Variants in CMPK1 observed in about 807,000 individuals in gnomAD.
CMPK1 encodes UMP-CMP kinase.
CMPK1 carries 10 observed loss-of-function variants against 25.7 expected under a neutral mutation model. The observed-to-expected ratio is 0.39, with a 90% confidence interval of 0.24 to 0.66. The LOEUF is 0.66. CMPK1 is among the 30% of genes least tolerant of loss of function. The probability of loss-of-function intolerance (pLI) is 0.48; values close to 1 mark genes in which losing one functional copy is unlikely to be tolerated. For missense variants in CMPK1, 199 were observed against 280.5 expected (o/e 0.71, Z 2.08); for synonymous variants, 106 against 101.5 (o/e 1.04, Z -0.27).
intron 1 of CMPK1, among the ~76,000 whole-genome samples, chr1:47,338,156 C>T (rs1393215896): frequency 2.0e-5 from 3 of 152,078 alleles, no homozygotes; most frequent in Non-Finnish European, 2.9e-5. Context: ...ATGTTGATTT[C>T]CAACTCAGGC....
chr1:47,335,578 G>A (rs112851223), intron 1 of CMPK1, among the ~76,000 whole-genome samples: 1 of 149,052 alleles, frequency 6.7e-6, no homozygotes, highest in Non-Finnish European at 1.5e-5. Context: ...CGGAGGTTGC[G>A]GTGAGCCCAT....
chr1:47,373,122 C>T lies in CMPK1; in HGVS notation c.471+15C>T. On this transcript the variant is annotated intron_variant, in intron 3 of 5. Coordinates refer to ENST00000371873, the MANE Select transcript of CMPK1 (RefSeq NM_016308.3). The stretch of plus-strand genomic sequence containing the variant: ...GTAATAATGAGGTAATGAAAATCTT[C>T]ATCTGCCCACATAGGCTTTAAGCAA... The T allele has an allele frequency of 1.9e-6, 3 of 1,594,592 alleles. No homozygotes were observed. The highest frequency in any genetic ancestry group is 2.6e-6 in the Non-Finnish European group (3 of 1,170,718).
At chr1:47,344,484 T>C (rs546925658) in intron 1 of CMPK1, among the ~76,000 whole-genome samples, 1 of 152,158 alleles carries the variant, frequency 6.6e-6, no homozygotes, top group East Asian at 1.9e-4. Context: ...AGTTCAACTG[T>C]AAATTATTAT....
chr1:47,376,777 C>G lies in CMPK1; in HGVS notation c.*32C>G. The G allele has an allele frequency of 7.5e-7, 1 of 1,340,822 alleles. No individual in the cohort carries two copies. The highest frequency in any genetic ancestry group is 1.1e-6 in the Non-Finnish European group (1 of 936,222). The allele number at this position is 1,340,822 out of a possible 1,614,324, so 83.1% of individuals were successfully genotyped here. A position where few individuals can be genotyped will look rare whatever the true frequency, so the allele number is the denominator to read the frequency against. On this transcript the variant is annotated 3_prime_UTR_variant, in exon 6 of 6. Transcript: ENST00000371873. ...ACCTGAAGGCATCCTTGAAATCATGCTTGAATATTGCTTTGATAGCTGCTA... is the reference window on the plus strand; with the variant it reads ...ACCTGAAGGCATCCTTGAAATCATGGTTGAATATTGCTTTGATAGCTGCTA...
At chr1:47,375,611 G>A (rs538928376) in intron 5 of CMPK1, among the ~76,000 whole-genome samples, 1 of 152,112 alleles carries the variant, frequency 6.6e-6, no homozygotes, top group African/African-American at 2.4e-5. Flanking sequence ...AGAAATGGGT[G>A]GTTTATGAAT....
chr1:47,362,206 G>GT (rs1394767021), intron 1 of CMPK1, among the ~76,000 whole-genome samples: 1 of 120,748 alleles, frequency 8.3e-6, no homozygotes, highest in Non-Finnish European at 1.6e-5. Flanking sequence ...TTTGGCTCTT[G>GT]TTGCCTAGGC....
chr1:47,335,347 T>C (rs1361288184), intron 1 of CMPK1, among the ~76,000 whole-genome samples: 1 of 152,172 alleles, frequency 6.6e-6, no homozygotes, highest in African/African-American at 2.4e-5. Context: ...TTTATAAATA[T>C]TGATCATTTT....
At chr1:47,367,875 CT>C (rs1397091691) in intron 1 of CMPK1, among the ~76,000 whole-genome samples, 1 of 152,130 alleles carries the variant, frequency 6.6e-6, no homozygotes, top group Non-Finnish European at 1.5e-5. Context: ...TCAAACAGTC[CT>C]TTTGCATCAG....
At chr1:47,344,040 C>T (rs1646464673) in intron 1 of CMPK1, among the ~76,000 whole-genome samples, 1 of 151,302 alleles carries the variant, frequency 6.6e-6, no homozygotes, top group African/African-American at 2.4e-5. Context: ...TGCGCTTCAG[C>T]CTGTGCAACA....
At chr1:47,354,575 T>C (rs570425323) in intron 1 of CMPK1, among the ~76,000 whole-genome samples, 1 of 151,458 alleles carries the variant, frequency 6.6e-6, no homozygotes, top group East Asian at 1.9e-4. Context: ...CACATACACA[T>C]AGTGCTTATT....
intron 1 of CMPK1, among the ~76,000 whole-genome samples, chr1:47,343,569 A>G (rs1646458444): frequency 6.6e-6 from 1 of 151,700 alleles, no homozygotes; most frequent in Admixed American, 6.6e-5. Context: ...TTATTCAGAA[A>G]ACATTTTTTG....
At position 47,377,841 on chromosome 1, in the gene CMPK1, C is replaced by T. The variant is rs1315200362; in HGVS notation, c.*1096C>T. On this transcript the variant is annotated 3_prime_UTR_variant, in exon 6 of 6. Transcript: ENST00000371873. ...TTTGTTTGGCATCATGTTGAAGCAC[C>T]GAAAGATAAATGATTTTTAAAAGGC... is the stretch of plus-strand genomic sequence containing the variant. 1 of 152,230 alleles carries T rather than the reference C, an allele frequency of 6.6e-6. No individual in the cohort carries two copies. The highest frequency in any genetic ancestry group is 2.4e-5 in the African/African-American group (1 of 41,288). The allele number at this position is 152,230 out of a possible 1,614,324, so 9.4% of individuals were successfully genotyped here.
At chr1:47,335,849 C>T (rs571229115) in intron 1 of CMPK1, among the ~76,000 whole-genome samples, 507 of 151,720 alleles carry the variant, frequency 3.3e-3, no homozygotes, top group Non-Finnish European at 4.3e-3. Context: ...CTGCAACCTC[C>T]GCCTCCCAGG....
intron 1 of CMPK1, among the ~76,000 whole-genome samples, chr1:47,345,344 T>C (rs1446563964): frequency 6.6e-6 from 1 of 152,082 alleles, no homozygotes; most frequent in African/African-American, 2.4e-5. Flanking sequence ...GAAACTCTAG[T>C]GCAAAAGAAA....
chr1:47,337,079 T>C (rs1429090405), intron 1 of CMPK1, among the ~76,000 whole-genome samples: 8 of 152,086 alleles, frequency 5.3e-5, no homozygotes, highest in African/African-American at 1.7e-4. Context: ...GGTCAGGAGA[T>C]TGAGACCATC....
At position 47,376,871 on chromosome 1, in the gene CMPK1, T is replaced by C. The variant is rs927302631; in HGVS notation, c.*126T>C. 56 of 534,720 alleles carry C rather than the reference T, an allele frequency of 1.0e-4. No homozygotes were observed. The highest frequency in any genetic ancestry group is 1.7e-4 in the Non-Finnish European group (52 of 298,988). 33.1% of individuals were successfully genotyped at this position (534,720 alleles called of 1,614,324 possible). On this transcript the variant is annotated 3_prime_UTR_variant, in exon 6 of 6. Coordinates refer to ENST00000371873, the MANE Select transcript of CMPK1 (RefSeq NM_016308.3). ...TCTCAATTAGTGGCTGGAAAGTACA[T>C]GGTAAAACAAAGTAAATTTTTTTAT...
intron 1 of CMPK1, among the ~76,000 whole-genome samples, chr1:47,351,555 A>T (rs1421542665): frequency 1.3e-5 from 2 of 152,194 alleles, no homozygotes; most frequent in African/African-American, 4.8e-5. Context: ...TTGGTGTTCA[A>T]GTATCTGTTT....
intron 1 of CMPK1, among the ~76,000 whole-genome samples, chr1:47,344,184 T>C (rs530501620): frequency 2.3e-4 from 35 of 152,180 alleles, no homozygotes; most frequent in African/African-American, 7.9e-4. Flanking sequence ...GATATAAATA[T>C]ACCAAATATC....
intron 1 of CMPK1, among the ~76,000 whole-genome samples, chr1:47,361,434 G>A (rs111725835): frequency 6.6e-6 from 1 of 152,082 alleles, no homozygotes; most frequent in South Asian, 2.1e-4. Flanking sequence ...GGCTCTTTAG[G>A]TCAAAGGCGA....
Sources: gnomAD v4.1 joint callset for allele counts (sites outside exome capture counted in the v4.1 genomes callset) on GRCh38, gnomAD v4.1.1 for gene constraint, MANE v1.5 for transcripts, NCBI Gene and HGNC (gene_info 2026-07-23, HGNC 2026-07-21) for gene names.